Variants in PAK3 observed in about 807,000 individuals in gnomAD.
The protein encoded by PAK3 is p21 (RAC1) activated kinase 3, also known as serine/threonine-protein kinase PAK 3.
PAK3 carries 4 observed loss-of-function variants against 41.0 expected under a neutral mutation model. The observed-to-expected ratio is 0.10, with a 90% confidence interval of 0.05 to 0.22. The LOEUF (loss-of-function observed/expected upper bound fraction) is 0.22. PAK3 is among the 10% of genes least tolerant of loss of function. The probability of loss-of-function intolerance (pLI) is 1.00; values close to 1 mark genes in which losing one functional copy is unlikely to be tolerated. For synonymous variants in PAK3, 146 were observed against 139.6 expected (o/e 1.05, Z -0.32); for missense variants, 205 against 409.9 (o/e 0.50, Z 4.32).
chrX:111,105,796 G>A (rs1317936587), intron 4 of PAK3, among the ~76,000 whole-genome samples: 3 of 111,009 alleles, frequency 2.7e-5, no homozygotes, highest in Admixed American at 9.6e-5. Flanking sequence ...CACATACACT[G>A]AAATACAACC....
chrX:110,980,443 G>A (rs1333031451), intron 1 of PAK3, among the ~76,000 whole-genome samples: 1 of 111,776 alleles, frequency 8.9e-6, no homozygotes, highest in Non-Finnish European at 1.9e-5. Context: ...ACCCAACGGA[G>A]TAGTTCATTT....
intron 5 of PAK3, among the ~76,000 whole-genome samples, chrX:111,134,308 A>G (rs1274356408): frequency 8.9e-6 from 1 of 111,914 alleles, no homozygotes; most frequent in Non-Finnish European, 1.9e-5. Context: ...GCCACCAAAA[A>G]CAACTTCAAC....
intron 1 of PAK3, among the ~76,000 whole-genome samples, chrX:110,975,888 G>T (rs1390997113): frequency 8.9e-6 from 1 of 111,899 alleles, no homozygotes; most frequent in Non-Finnish European, 1.9e-5. Flanking sequence ...AAATGGTGCT[G>T]GGAAAACTGG....
chrX:111,014,706 G>A (rs910494500), intron 1 of PAK3, among the ~76,000 whole-genome samples: 1 of 111,563 alleles, frequency 9.0e-6, no homozygotes, highest in Admixed American at 9.6e-5. Context: ...AAGCCCCCAA[G>A]CCTGAAATGT....
At chrX:111,192,680 ATTACT>A (rs2094571522) in intron 13 of PAK3, 62 bp downstream of exon 13, 3 of 587,582 alleles carry the variant, frequency 5.1e-6, no homozygotes, top group South Asian at 2.4e-5. Context: ...TTCTTGGCAA[ATTACT>A]TTATTTGGGA....
At chrX:111,091,201 G>A (rs931986887), upstream of PAK3, among the ~76,000 whole-genome samples, 2 of 111,432 alleles carry the variant, frequency 1.8e-5, no homozygotes, top group African/African-American at 6.5e-5. Flanking sequence ...AAAGCTGGGG[G>A]CTTCAGAAAG....
chrX:110,948,073 G>T (rs1182663934), intron 1 of PAK3, among the ~76,000 whole-genome samples: 3 of 111,926 alleles, frequency 2.7e-5, no homozygotes, highest in African/African-American at 9.8e-5. Context: ...CTGAATTATT[G>T]GGCAGACTGC....
At chrX:111,092,308 TC>T (rs2092935481), upstream of PAK3, among the ~76,000 whole-genome samples, 1 of 112,066 alleles carries the variant, frequency 8.9e-6, no homozygotes, top group South Asian at 3.8e-4. Context: ...AGGGTTAATG[TC>T]CCCCATCATA....
intron 1 of PAK3, among the ~76,000 whole-genome samples, chrX:110,979,839 A>C (rs749218035): frequency 8.9e-6 from 1 of 111,970 alleles, no homozygotes; most frequent in East Asian, 2.8e-4. Context: ...TCTGATCTGT[A>C]GGTTAGAAGT....
chrX:111,074,690 A>T (rs2092770905), intron 1 of PAK3, among the ~76,000 whole-genome samples: 1 of 112,288 alleles, frequency 8.9e-6, no homozygotes, highest in Non-Finnish European at 1.9e-5. Context: ...TGGGTAACAG[A>T]TAAAGGTTGA....
At chrX:111,039,288 T>C (rs981549779) in intron 1 of PAK3, among the ~76,000 whole-genome samples, 10 of 112,319 alleles carry the variant, frequency 8.9e-5, no homozygotes, top group African/African-American at 3.2e-4. Context: ...CAAGAGGCTT[T>C]TGGTGAAACT....
Position 111,218,747 on chromosome X carries a change from G to A in PAK3, c.1546-1611G>A, listed in dbSNP as rs189742963. Among the ~76,000 whole-genome samples the A allele has an allele frequency of 1.5e-3, 170 of 111,472 alleles. 1 individual carries two copies. Among genetic ancestry groups the A allele is most frequent in the African/African-American group, 5.2e-3 (161 of 30,706 alleles). ...GGGGAAACACTGAAGATGTCTGAGGGACAAGCATGATGACAACTTTGTTTA... is the reference window on the plus strand; with the variant it reads ...GGGGAAACACTGAAGATGTCTGAGGAACAAGCATGATGACAACTTTGTTTA... On this transcript the variant is annotated intron_variant, in intron 17 of 17. Coordinates refer to ENST00000372007, the MANE Select transcript of PAK3 (RefSeq NM_002578.5).
rs933808931 is a variant in PAK3 at position 111,172,588 on chromosome X, C to A, written c.767-430C>A. ...TTGTTTAGCTCCCACTTATAAGCGA[C>A]AACATGCAGTATTTGGTTTTCTTTT... On this transcript the variant is annotated intron_variant, in intron 10 of 17. Coordinates refer to ENST00000372007, the MANE Select transcript of PAK3 (RefSeq NM_002578.5). 2.5e-4 allele frequency among the ~76,000 whole-genome samples: 28 copies of A among 111,272 alleles called. No homozygotes were observed. In the Admixed American group the frequency reaches 2.7e-3, roughly 11 times the overall value.
At chrX:111,087,666 T>C (rs763856274) in intron 1 of PAK3, among the ~76,000 whole-genome samples, 1 of 106,970 alleles carries the variant, frequency 9.3e-6, no homozygotes, top group African/African-American at 3.4e-5. Context: ...AAATATTCAA[T>C]ATCTTCATCA....
At chrX:111,081,076 G>A (rs983849341) in intron 1 of PAK3, among the ~76,000 whole-genome samples, 1 of 111,591 alleles carries the variant, frequency 9.0e-6, no homozygotes, top group African/African-American at 3.3e-5. Flanking sequence ...TACCAGAACC[G>A]GGGGGCAAGG....
Position 111,222,209 on chromosome X carries a change from A to G in PAK3, c.*1762A>G, listed in dbSNP as rs2094931351. 8.9e-6 allele frequency: 1 copy of G among 112,320 alleles called. No homozygotes were observed. The highest frequency in any genetic ancestry group is 2.8e-4 in the East Asian group (1 of 3,567). 9.3% of individuals were successfully genotyped at this position (112,320 alleles called of 1,213,427 possible). On this transcript the variant is annotated 3_prime_UTR_variant, in exon 18 of 18. Coordinates refer to ENST00000372007, the MANE Select transcript of PAK3 (RefSeq NM_002578.5). ...CCAGAAGGGGAAAGAGATCAGTTACATAGGCCTCTCTCCTTCTTTGCCAAG... is the reference window on the plus strand; with the variant it reads ...CCAGAAGGGGAAAGAGATCAGTTACGTAGGCCTCTCTCCTTCTTTGCCAAG...
chrX:111,066,924 C>T (rs1185314786), intron 1 of PAK3, among the ~76,000 whole-genome samples: 1 of 111,609 alleles, frequency 9.0e-6, no homozygotes, highest in Admixed American at 9.5e-5. Context: ...GTTTCTATTG[C>T]TATTGCAAAT....
intron 1 of PAK3, among the ~76,000 whole-genome samples, chrX:111,035,131 A>AAAAAAAAAAAAG (rs2092383860): frequency 1.8e-5 from 1 of 54,265 alleles, no homozygotes; most frequent in African/African-American, 5.9e-5. Context: ...AAAAAAAAAA[A>AAAAAAAAAAAAG]AAAGAAAGAA....
chrX:111,126,459 T>A (rs775125400), intron 5 of PAK3, among the ~76,000 whole-genome samples: 23 of 110,775 alleles, frequency 2.1e-4, no homozygotes, highest in Non-Finnish European at 3.6e-4. Context: ...TGTTCCTATC[T>A]CTTGGTAACT....
Sources: gnomAD v4.1 joint callset for allele counts (sites outside exome capture counted in the v4.1 genomes callset) on GRCh38, gnomAD v4.1.1 for gene constraint, MANE v1.5 for transcripts, NCBI Gene and HGNC (gene_info 2026-07-23, HGNC 2026-07-21) for gene names.